The following TRIP12 variants were observed in gnomAD, a reference collection of about 807,000 sequenced individuals.
TRIP12 encodes the protein thyroid hormone receptor interactor 12, also known as E3 ubiquitin-protein ligase TRIP12.
Under a neutral mutation model 244.2 loss-of-function variants are expected in TRIP12, and 25 were observed. The observed-to-expected ratio is 0.10, with a 90% CI of 0.07 to 0.14. TRIP12 has a LOEUF of 0.14. Ranked by LOEUF, TRIP12 falls within the 10% of genes least tolerant of loss-of-function variation. The pLI is 1.00. For missense variants in TRIP12, 1,677 were observed against 2,486.4 expected (o/e 0.67, Z 6.92); for synonymous variants, 905 against 873.1 (o/e 1.04, Z -0.64).
rs1008830727 is a variant in TRIP12 at position 229,766,825 on chromosome 2, G to C, written c.*729C>G. 5.3e-5 allele frequency: 8 copies of C among 152,192 alleles called. No individual in the cohort carries two copies. Among genetic ancestry groups the C allele is most frequent in the African/African-American group, 1.9e-4 (8 of 41,532 alleles). 9.4% of individuals were successfully genotyped at this position (152,192 alleles called of 1,614,324 possible). On this transcript the variant is annotated 3_prime_UTR_variant, in exon 42 of 42. Coordinates refer to ENST00000675903, the MANE Select transcript of TRIP12 (RefSeq NM_001348323.3). ...AAACAGTCCTTAGTGTGTCACCTGGGAAAAAGCCAGTAATACCCTAAACTA... is the reference window on the plus strand; with the variant it reads ...AAACAGTCCTTAGTGTGTCACCTGGCAAAAAGCCAGTAATACCCTAAACTA...
chr2:229,814,130 CA>C, intron 12 of TRIP12, 99 bp from the exon 13 acceptor site: 1 of 1,529,008 alleles, frequency 6.5e-7, no homozygotes, highest in Non-Finnish European at 8.9e-7. Flanking sequence ...CTGGAAACAA[CA>C]TTTGTATCTT....
At chr2:229,775,597 T>C (rs1009491511) in intron 37 of TRIP12, among the ~76,000 whole-genome samples, 2 of 151,124 alleles carry the variant, frequency 1.3e-5, no homozygotes, top group African/African-American at 2.4e-5. Context: ...GAATTTACAA[T>C]GTCCTAGAGA....
chr2:229,908,928 A>T (rs1164315360), intron 1 of TRIP12, among the ~76,000 whole-genome samples: 1 of 151,468 alleles, frequency 6.6e-6, no homozygotes, highest in African/African-American at 2.4e-5. Flanking sequence ...CCCTCTACAA[A>T]AAATAAAAAA....
intron 8 of TRIP12, among the ~76,000 whole-genome samples, chr2:229,821,918 TC>T (rs1214235368): frequency 6.6e-6 from 1 of 152,112 alleles, no homozygotes; most frequent in Non-Finnish European, 1.5e-5. Context: ...GATGGGCGGA[TC>T]ACCTGAGGTC....
chr2:229,841,343 G>C (rs1465086811), intron 4 of TRIP12, among the ~76,000 whole-genome samples: 1 of 152,058 alleles, frequency 6.6e-6, no homozygotes, highest in Non-Finnish European at 1.5e-5. Flanking sequence ...GTTTATATAA[G>C]GCTCATCAAT....
chr2:229,820,879 C>T (rs917553895), intron 8 of TRIP12, among the ~76,000 whole-genome samples: 3 of 152,102 alleles, frequency 2.0e-5, no homozygotes, highest in East Asian at 3.9e-4. Context: ...CATGAGCCAC[C>T]GCGCCTGGCC....
chr2:229,890,804 T>C (rs898873316), intron 1 of TRIP12, among the ~76,000 whole-genome samples: 1 of 152,220 alleles, frequency 6.6e-6, no homozygotes, highest in African/African-American at 2.4e-5. Context: ...GCCCCACATT[T>C]CTACATTTAG....
Position 229,887,001 on chromosome 2 carries a change from C to T in TRIP12, c.-49-6873G>A, listed in dbSNP as rs370707808. Among the ~76,000 whole-genome samples the T allele has an allele frequency of 6.6e-5, 10 of 152,102 alleles. No individual in the cohort carries two copies. The East Asian group carries it at 9.7e-4, about 15-fold the overall frequency. On this transcript the variant is annotated intron_variant, in intron 1 of 41. Coordinates refer to ENST00000675903, the MANE Select transcript of TRIP12 (RefSeq NM_001348323.3). ...ACAGTAAGTTAAAATAACCCTAAGG[C>T]TACAAAGCTAATAGGGGACGGGCTC...
intron 1 of TRIP12, among the ~76,000 whole-genome samples, chr2:229,883,843 A>C (rs2065367590): frequency 6.6e-6 from 1 of 152,228 alleles, no homozygotes; most frequent in Non-Finnish European, 1.5e-5. Context: ...CGCAAATACC[A>C]CATAGAGAAA....
intron 8 of TRIP12, among the ~76,000 whole-genome samples, chr2:229,826,572 T>C (rs374420489): frequency 6.6e-6 from 1 of 152,182 alleles, no homozygotes; most frequent in Non-Finnish European, 1.5e-5. Context: ...AAATGGGATA[T>C]GTTCTGAGAA....
rs34496202 is a variant in TRIP12, at chr2:229,872,104, T to TAAAAAAAAA, written c.98+7869_98+7877dup. Among the ~76,000 whole-genome samples the TAAAAAAAAA allele has an allele frequency of 1.0e-4, 11 of 105,258 alleles. 1 individual carries two copies. Among genetic ancestry groups the TAAAAAAAAA allele is most frequent in the African/African-American group, 3.1e-4 (9 of 28,876 alleles). The allele number at this position is 105,258 out of a possible 152,430, so 69.1% of individuals were successfully genotyped here. A position where few individuals can be genotyped will look rare whatever the true frequency, so the allele number is the denominator to read the frequency against. On this transcript the variant is annotated intron_variant, in intron 2 of 41. Coordinates refer to ENST00000675903, the MANE Select transcript of TRIP12 (RefSeq NM_001348323.3). ...AATATAGTTTTAATGACAGATATTG[T>TAAAAAAAAA]AAAAAAAAAAAAAAAAAAAAAAAAA...
intron 21 of TRIP12, among the ~76,000 whole-genome samples, chr2:229,799,856 G>C (rs1319436986): frequency 6.6e-6 from 1 of 152,042 alleles, no homozygotes; most frequent in Non-Finnish European, 1.5e-5. Flanking sequence ...TCATGTTCTA[G>C]AGGTGTGCAG....
chr2:229,821,793 A>G (rs575448959), intron 8 of TRIP12, among the ~76,000 whole-genome samples: 1 of 152,236 alleles, frequency 6.6e-6, no homozygotes, highest in Non-Finnish European at 1.5e-5. Flanking sequence ...CAAGAAGCTA[A>G]TGTGTTGAAA....
chr2:229,809,671 C>T (rs2046783900), intron 15 of TRIP12, among the ~76,000 whole-genome samples: 2 of 152,018 alleles, frequency 1.3e-5, no homozygotes, highest in South Asian at 4.1e-4. Context: ...TGAACCTTTC[C>T]CAATCTTATT....
rs528949007 is a variant in TRIP12 at position 229,886,093 on chromosome 2, A to G, written c.-49-5965T>C. On this transcript the variant is annotated intron_variant, in intron 1 of 41. Coordinates refer to ENST00000675903, the MANE Select transcript of TRIP12 (RefSeq NM_001348323.3). ...GGAAAAAGAACAAAAACTTTCTACA[A>G]AACCACTGGGACAGTTTATTATTTT... Among the ~76,000 whole-genome samples, 7 of 152,282 alleles carry G rather than the reference A, an allele frequency of 4.6e-5. 1 individual carries two copies. The South Asian group carries it at 1.5e-3, about 32-fold the overall frequency.
intron 30 of TRIP12, among the ~76,000 whole-genome samples, chr2:229,790,709 T>C (rs1267464400): frequency 6.6e-6 from 1 of 152,174 alleles, no homozygotes; most frequent in East Asian, 1.9e-4. Flanking sequence ...TCGATGGTCA[T>C]TACATTACCT....
intron 31 of TRIP12, 150 bp downstream of exon 31, chr2:229,789,461 G>T: frequency 1.3e-6 from 1 of 763,114 alleles, no homozygotes; most frequent in Non-Finnish European, 1.9e-6. Context: ...AGAAAAAAAA[G>T]TGGGGGAGAA....
At chr2:229,837,514 A>T (rs1491003976) in intron 5 of TRIP12, among the ~76,000 whole-genome samples, 2 of 152,122 alleles carry the variant, frequency 1.3e-5, no homozygotes, top group Non-Finnish European at 2.9e-5. Context: ...ATGCGCCTGT[A>T]ATCCCAGCTA....
At chr2:229,845,951 G>C (rs558275846) in intron 4 of TRIP12, among the ~76,000 whole-genome samples, 2 of 149,674 alleles carry the variant, frequency 1.3e-5, no homozygotes, top group South Asian at 4.4e-4. Flanking sequence ...TACTTGAGCA[G>C]TGAGCTATGA....
Sources: gnomAD v4.1 joint callset for allele counts (sites outside exome capture counted in the v4.1 genomes callset) on GRCh38, gnomAD v4.1.1 for gene constraint, MANE v1.5 for transcripts, NCBI Gene and HGNC (gene_info 2026-07-23, HGNC 2026-07-21) for gene names.